PKD2: variants seen among roughly 807,000 people sequenced by gnomAD.
PKD2 encodes the protein polycystin 2, transient receptor potential cation channel, also known as polycystin-2.
A neutral mutation model predicts 105.9 loss-of-function variants in PKD2; 48 were observed. The observed-to-expected ratio is 0.45, with a 90% CI of 0.36 to 0.58. The LOEUF is 0.58. PKD2 is among the 20% of genes least tolerant of loss of function. The probability of loss-of-function intolerance (pLI) is 0.00; values close to 1 mark genes in which losing one functional copy is unlikely to be tolerated. For synonymous variants in PKD2, 464 were observed against 481.1 expected, an observed-to-expected ratio of 0.96 and a Z score of 0.46; for missense variants, 1,078 against 1,255.3, an observed-to-expected ratio of 0.86 and a Z score of 2.13.
intron 2 of PKD2, among the ~76,000 whole-genome samples, chr4:88,020,414 G>A (rs927546557): frequency 1.3e-5 from 2 of 151,988 alleles, no homozygotes; most frequent in Non-Finnish European, 2.9e-5. Context: ...CTTGCTATAG[G>A]CCCATCTCTT....
At chr4:88,029,927 A>C (rs1727085914) in intron 2 of PKD2, among the ~76,000 whole-genome samples, 1 of 152,202 alleles carries the variant, frequency 6.6e-6, no homozygotes, top group African/African-American at 2.4e-5. Flanking sequence ...TGGAAAGGTG[A>C]CCAGGGGCCA....
chr4:88,065,731 A>T (rs746535279), intron 11 of PKD2, 31 bp from the exon 12 acceptor site: 1 of 1,499,876 alleles, frequency 6.7e-7, no homozygotes, highest in Non-Finnish European at 9.3e-7. Flanking sequence ...ACAAGGAATG[A>T]TTTTTATCTG....
chr4:88,070,803 TA>T (rs140963903), intron 13 of PKD2, among the ~76,000 whole-genome samples: 2 of 150,704 alleles, frequency 1.3e-5, no homozygotes, highest in Non-Finnish European at 3.0e-5. Context: ...GGCTAATTTT[TA>T]AAAAAAAATT....
At chr4:88,029,815 G>T (rs953421035) in intron 2 of PKD2, among the ~76,000 whole-genome samples, 4 of 152,196 alleles carry the variant, frequency 2.6e-5, no homozygotes, top group African/African-American at 9.7e-5. Context: ...AGAGAGAATT[G>T]TATGAATGAA....
Position 88,007,890 on chromosome 4 carries a change from G to A in PKD2, c.157G>A (p.Glu53Lys). 7.2e-7 allele frequency: 1 copy of A among 1,381,976 alleles called. No individual in the cohort carries two copies. The highest frequency in any genetic ancestry group is 9.4e-7 in the Non-Finnish European group (1 of 1,060,598). 85.6% of individuals were successfully genotyped at this position (1,381,976 alleles called of 1,614,324 possible). A position where few individuals can be genotyped will look rare whatever the true frequency, so the allele number is the denominator to read the frequency against. ...PGGLCEQRGL[E>K]IEMQRIRQAA... The stretch of plus-strand genomic sequence containing the variant: ...CGGCCTCTGCGAGCAGCGGGGCCTG[G>A]AGATCGAGATGCAGCGCATCCGGCA... The change falls in exon 1 of 15, where the codon GAG becomes AAG. Residue 53 changes from glutamate to lysine, a missense_variant. Coordinates refer to ENST00000237596, the MANE Select transcript of PKD2 (RefSeq NM_000297.4).
intron 10 of PKD2, among the ~76,000 whole-genome samples, chr4:88,063,124 A>G (rs1720642054): frequency 6.6e-6 from 1 of 152,242 alleles, no homozygotes; most frequent in Non-Finnish European, 1.5e-5. Context: ...CAGTCATGAC[A>G]CTATTTTCAG....
At position 88,075,929 on chromosome 4, in the gene PKD2, A is replaced by G. The variant is rs1265481771; in HGVS notation, c.*235A>G. The G allele has an allele frequency of 1.1e-5, 6 of 529,142 alleles. No individual in the cohort carries two copies. Among genetic ancestry groups the G allele is most frequent in the Non-Finnish European group, 2.0e-5 (6 of 295,706 alleles). 32.8% of individuals were successfully genotyped at this position (529,142 alleles called of 1,614,324 possible). On this transcript the variant is annotated 3_prime_UTR_variant, in exon 15 of 15. Transcript: ENST00000237596. ...TGTAAATATTGAGTACAGAAAAAAA[A>G]TCTTCATGATGTGTATTGAGCGGTA...
rs747127796 is a variant in PKD2, at chr4:88,019,469, A to G, written c.607A>G (p.Thr203Ala). 2 of 1,569,018 alleles carry G rather than the reference A, an allele frequency of 1.3e-6. No individual in the cohort carries two copies. Among genetic ancestry groups the G allele is most frequent in the Non-Finnish European group, 8.8e-7 (1 of 1,138,870 alleles). The stretch of plus-strand genomic sequence containing the variant: ...TTATTATTTTAAAGGTCTCTGGGGA[A>G]CAAGACTCATGGAGGAAAGCAGCAC... Reference protein sequence around the residue: ...LVRGLRGLWGTRLMEESSTNR... With the variant: ...LVRGLRGLWGARLMEESSTNR... Residue 203 changes from threonine to alanine, a missense_variant, in exon 2 of 15, where the codon ACA (threonine) becomes GCA (alanine). Coordinates refer to ENST00000237596, the MANE Select transcript of PKD2 (RefSeq NM_000297.4).
At chr4:88,017,121 C>T (rs1338720783) in intron 1 of PKD2, among the ~76,000 whole-genome samples, 1 of 151,962 alleles carries the variant, frequency 6.6e-6, no homozygotes, top group African/African-American at 2.4e-5. Context: ...GCCGAGAATT[C>T]GAGACCAGCC....
In PKD2 at chr4:88,012,787, C is replaced by T. The variant is rs1189884976; in HGVS notation, c.595+4459C>T. Among the ~76,000 whole-genome samples, 6 of 152,184 alleles carry T rather than the reference C, an allele frequency of 3.9e-5. No homozygotes were observed. In the East Asian group the frequency reaches 1.2e-3, roughly 29 times the overall value. ...CATTCTACTTCCCCTTTCTGTGAGT[C>T]TCCCTGTTGTAGCTACCTGATGTAA... On this transcript the variant is annotated intron_variant, in intron 1 of 14. Transcript: ENST00000237596.
intron 2 of PKD2, among the ~76,000 whole-genome samples, chr4:88,035,815 A>G (rs1280506694): frequency 6.6e-6 from 1 of 152,146 alleles, no homozygotes; most frequent in Non-Finnish European, 1.5e-5. Flanking sequence ...TGTGCACAGC[A>G]GGAGGGTGGG....
rs112490481 is a variant in PKD2 at position 88,072,693 on chromosome 4, A to G, written c.2523-2119A>G. On this transcript the variant is annotated intron_variant, in intron 13 of 14. Transcript: ENST00000237596. The stretch of plus-strand genomic sequence containing the variant: ...GAACTGAGTGGAAGAAGAGAGCCCC[A>G]TTCCCCTTAGCCACTCTTAACAGGA... Among the ~76,000 whole-genome samples the G allele has an allele frequency of 2.8e-3, 432 of 152,290 alleles. 1 individual carries two copies. Among genetic ancestry groups the G allele is most frequent in the South Asian group, 9.3e-3 (45 of 4,824 alleles).
In PKD2 at chr4:88,065,496, G is replaced by GT; in HGVS notation, c.2240+2dup. 1 of 1,613,650 alleles carries GT rather than the reference G, an allele frequency of 6.2e-7. No individual in the cohort carries two copies. Among genetic ancestry groups the GT allele is most frequent in the Non-Finnish European group, 8.5e-7 (1 of 1,179,618 alleles). ...ACGAACTTCGACAAGATCTCAAAGG[G>GT]TGAGAATCATGCTTCCTGAGGTTCT... is the stretch of plus-strand genomic sequence containing the variant. On this transcript the variant is annotated splice_donor_variant, in intron 11 of 14. Transcript: ENST00000237596. LOFTEE classifies it high-confidence loss of function.
In PKD2 at chr4:88,063,831, A is replaced by G. The variant is rs568365710; in HGVS notation, c.2119-1543A>G. On this transcript the variant is annotated intron_variant, in intron 10 of 14. Transcript: ENST00000237596. Reference sequence around the variant, plus strand: ...TTCACATTAAGGGAAGTCTTATTAGAGATATTTCACAATAATGAAAGTACA... The same window carrying G: ...TTCACATTAAGGGAAGTCTTATTAGGGATATTTCACAATAATGAAAGTACA... Among the ~76,000 whole-genome samples the G allele has an allele frequency of 1.4e-4, 21 of 152,278 alleles. No homozygotes were observed. In the South Asian group the frequency reaches 1.5e-3, roughly 11 times the overall value.
At chr4:88,059,228 G>T (rs1288716933) in intron 9 of PKD2, among the ~76,000 whole-genome samples, 1 of 152,144 alleles carries the variant, frequency 6.6e-6, no homozygotes, top group African/African-American at 2.4e-5. Flanking sequence ...AAAAGGTCAG[G>T]AATATCATTC....
intron 13 of PKD2, among the ~76,000 whole-genome samples, chr4:88,069,350 T>A (rs919260394): frequency 6.6e-6 from 1 of 151,840 alleles, no homozygotes; most frequent in Non-Finnish European, 1.5e-5. Context: ...TCTAGCTTAC[T>A]TTTTTTTGTT....
intron 12 of PKD2, among the ~76,000 whole-genome samples, chr4:88,066,693 C>T (rs1720808807): frequency 6.6e-6 from 1 of 151,982 alleles, no homozygotes; most frequent in Non-Finnish European, 1.5e-5. Flanking sequence ...AGCCGCCTTC[C>T]ATTTGAATAC....
intron 6 of PKD2, 124 bp from the exon 7 acceptor site, chr4:88,051,867 C>T (rs901376210): frequency 2.0e-5 from 12 of 611,770 alleles, no homozygotes; most frequent in South Asian, 1.8e-4. Context: ...AGAATGACAT[C>T]GGGTAAGTAT....
intron 2 of PKD2, among the ~76,000 whole-genome samples, chr4:88,022,706 T>C (rs1283772339): frequency 6.6e-6 from 1 of 152,162 alleles, no homozygotes; most frequent in Non-Finnish European, 1.5e-5. Flanking sequence ...TGTATGTAAA[T>C]GAGATAGTGT....
Sources: allele counts gnomAD v4.1 joint callset (sites outside exome capture counted in the v4.1 genomes callset), GRCh38; gene constraint gnomAD v4.1.1; transcripts MANE v1.5; gene names NCBI Gene and HGNC (gene_info 2026-07-23, HGNC 2026-07-21).